LUZP2: variants seen among roughly 807,000 people sequenced by gnomAD.
The protein encoded by LUZP2 is leucine zipper protein 2.
Under a neutral mutation model 51.6 loss-of-function variants are expected in LUZP2, and 52 were observed. The observed-to-expected ratio is 1.01, with a 90% CI of 0.81 to 1.27. The LOEUF is 1.27. Ranked by LOEUF, LUZP2 falls within the 50% of genes most tolerant of loss-of-function variation. The probability of loss-of-function intolerance (pLI) is 0.00; values close to 1 mark genes in which losing one functional copy is unlikely to be tolerated. For missense variants in LUZP2, 436 were observed against 395.4 expected, an observed-to-expected ratio of 1.10 and a Z score of -0.87; for synonymous variants, 154 against 137.3, an observed-to-expected ratio of 1.12 and a Z score of -0.85.
chr11:24,838,394 A>G (rs11028210), intron 5 of LUZP2, among the ~76,000 whole-genome samples: 88,383 of 151,358 alleles, frequency 0.58, 27,310 homozygotes, highest in East Asian at 0.68. Flanking sequence ...TTTAGACTCA[A>G]ATAAGTCACT....
intron 4 of LUZP2, among the ~76,000 whole-genome samples, chr11:24,741,264 G>C (rs954886411): frequency 6.6e-6 from 1 of 151,880 alleles, no homozygotes; most frequent in Non-Finnish European, 1.5e-5. Context: ...GTCTTTATGG[G>C]AATCAGACAT....
intron 1 of LUZP2, among the ~76,000 whole-genome samples, chr11:24,682,762 T>C (rs563842899): frequency 1.5e-4 from 23 of 151,906 alleles, no homozygotes; most frequent in African/African-American, 5.3e-4. Context: ...TCCCAGCACG[T>C]TGGGAGGCCA....
At chr11:24,534,700 G>C (rs1292745003) in intron 1 of LUZP2, among the ~76,000 whole-genome samples, 1 of 151,280 alleles carries the variant, frequency 6.6e-6, no homozygotes, top group Non-Finnish European at 1.5e-5. Flanking sequence ...CTTATCAAAA[G>C]GAGAAACACA....
At chr11:24,639,682 C>G (rs1414352275) in intron 1 of LUZP2, among the ~76,000 whole-genome samples, 1 of 151,832 alleles carries the variant, frequency 6.6e-6, no homozygotes, top group Non-Finnish European at 1.5e-5. Flanking sequence ...AACTCACAAC[C>G]TCATCTGACC....
chr11:24,780,909 C>T (rs1368111975), intron 5 of LUZP2, among the ~76,000 whole-genome samples: 3 of 152,068 alleles, frequency 2.0e-5, no homozygotes, highest in African/African-American at 7.2e-5. Flanking sequence ...GCTAGCTAGG[C>T]CTTGCCAAAA....
chr11:25,022,673 T>C (rs1857373628), intron 9 of LUZP2, among the ~76,000 whole-genome samples: 1 of 152,092 alleles, frequency 6.6e-6, no homozygotes, highest in Admixed American at 6.6e-5. Context: ...ATAAAAGTTA[T>C]CTAGGAAATC....
intron 1 of LUZP2, among the ~76,000 whole-genome samples, chr11:24,544,780 A>G (rs1189184921): frequency 6.6e-6 from 1 of 152,110 alleles, no homozygotes; most frequent in Non-Finnish European, 1.5e-5. Flanking sequence ...AGAACAATTC[A>G]TATTCCTTTG....
chr11:24,806,406 C>T (rs1301106455), intron 5 of LUZP2, among the ~76,000 whole-genome samples: 2 of 152,102 alleles, frequency 1.3e-5, no homozygotes, highest in Non-Finnish European at 2.9e-5. Context: ...TAGTGCATCA[C>T]CAACATTGTG....
chr11:24,997,286 T>G (rs1475676077), intron 9 of LUZP2, among the ~76,000 whole-genome samples: 1 of 152,142 alleles, frequency 6.6e-6, no homozygotes, highest in Non-Finnish European at 1.5e-5. Flanking sequence ...ACTTGTTGTT[T>G]CCTGACTTTT....
intron 5 of LUZP2, among the ~76,000 whole-genome samples, chr11:24,843,319 A>G (rs139085199): frequency 7.5e-4 from 114 of 152,218 alleles, no homozygotes; most frequent in African/African-American, 2.6e-3. Flanking sequence ...AAATTTTCTT[A>G]ATTTTATACA....
chr11:24,660,000 G>A (rs531172706), intron 1 of LUZP2, among the ~76,000 whole-genome samples: 1 of 152,260 alleles, frequency 6.6e-6, no homozygotes, highest in East Asian at 1.9e-4. Context: ...TAACGAAAAA[G>A]ATCCTAGGTG....
chr11:24,828,897 G>A lies in LUZP2; in HGVS notation c.396+65589G>A, dbSNP rs560699319. Among the ~76,000 whole-genome samples, 3 of 152,296 alleles carry A rather than the reference G, an allele frequency of 2.0e-5. No individual in the cohort carries two copies. The East Asian group carries it at 5.8e-4, about 29-fold the overall frequency. ...AAAGAACCACAGGCAGGAGAGAAAT[G>A]GAACTCTGAGATCTCTGCAGGTAGG... On this transcript the variant is annotated intron_variant, in intron 5 of 11. Coordinates refer to ENST00000336930, the MANE Select transcript of LUZP2 (RefSeq NM_001009909.4).
At chr11:24,660,112 A>G (rs530441398) in intron 1 of LUZP2, among the ~76,000 whole-genome samples, 2 of 152,278 alleles carry the variant, frequency 1.3e-5, no homozygotes, top group South Asian at 4.1e-4. Context: ...GGAAGCGACC[A>G]TGCATTCTAC....
chr11:25,031,537 G>A (rs2133991983), intron 9 of LUZP2, among the ~76,000 whole-genome samples: 1 of 152,106 alleles, frequency 6.6e-6, no homozygotes, highest in South Asian at 2.1e-4. Flanking sequence ...CTTGAAAGAT[G>A]TGTATTATAT....
intron 7 of LUZP2, among the ~76,000 whole-genome samples, chr11:24,962,846 T>C (rs866271499): frequency 2.6e-5 from 4 of 152,366 alleles, no homozygotes; most frequent in Middle Eastern, 3.4e-3. Context: ...CTCTGCTTTT[T>C]AGAGTTTCCA....
intron 7 of LUZP2, among the ~76,000 whole-genome samples, chr11:24,945,037 G>A (rs568274918): frequency 3.4e-4 from 52 of 152,212 alleles, no homozygotes; most frequent in African/African-American, 1.3e-3. Context: ...TCTGTGCAGC[G>A]AAATTGTAAG....
In LUZP2 at chr11:24,908,260, A is replaced by C. The variant is rs551683627; in HGVS notation, c.459+2207A>C. Among the ~76,000 whole-genome samples the C allele has an allele frequency of 4.1e-4, 63 of 152,302 alleles. No individual in the cohort carries two copies. The South Asian group carries it at 0.012, about 30-fold the overall frequency. Reference sequence around the variant, plus strand: ...GCCAGAGGATAATATTCACAAGGGAAGCTACTATAAACACCATCTACCAAA... The same window carrying C: ...GCCAGAGGATAATATTCACAAGGGACGCTACTATAAACACCATCTACCAAA... On this transcript the variant is annotated intron_variant, in intron 6 of 11. Transcript: ENST00000336930.
chr11:24,983,816 A>ATT (rs55772245), intron 9 of LUZP2, among the ~76,000 whole-genome samples: 63,385 of 145,938 alleles, frequency 0.43, 14,313 homozygotes, highest in East Asian at 0.69. Context: ...ATTAAATTAG[A>ATT]TTTTTTTTTT....
intron 1 of LUZP2, among the ~76,000 whole-genome samples, chr11:24,694,495 A>G (rs1857180540): frequency 6.6e-6 from 1 of 152,080 alleles, no homozygotes; most frequent in South Asian, 2.1e-4. Flanking sequence ...TAATAGAAGT[A>G]CTTGGAAGAC....
Sources: allele counts gnomAD v4.1 joint callset (sites outside exome capture counted in the v4.1 genomes callset), GRCh38; gene constraint gnomAD v4.1.1; transcripts MANE v1.5; gene names NCBI Gene and HGNC (gene_info 2026-07-23, HGNC 2026-07-21).